The following PDE4D variants were observed in gnomAD, a reference collection of about 807,000 sequenced individuals.
PDE4D encodes the protein phosphodiesterase 4D, also known as 3',5'-cyclic-AMP phosphodiesterase 4D.
Under a neutral mutation model 87.4 loss-of-function variants are expected in PDE4D, and 24 were observed. The ratio of observed to expected loss-of-function variants is 0.27; its 90% CI spans 0.20 to 0.39. The LOEUF is 0.39. Among genes scored for constraint, PDE4D ranks in the 10% least tolerant of loss-of-function variants. The probability of loss-of-function intolerance (pLI) is 1.00; values close to 1 mark genes in which losing one functional copy is unlikely to be tolerated. For missense variants in PDE4D, 714 were observed against 1,041.0 expected, an observed-to-expected ratio of 0.69 and a Z score of 4.32; for synonymous variants, 384 against 383.2, an observed-to-expected ratio of 1.00 and a Z score of -0.02.
At chr5:60,281,455 C>T (rs572619733) in intron 1 of PDE4D, among the ~76,000 whole-genome samples, 223 of 152,290 alleles carry the variant, frequency 1.5e-3, no homozygotes, top group African/African-American at 5.2e-3. Flanking sequence ...TCTATATCCA[C>T]ACTACTTTAA....
intron 1 of PDE4D, among the ~76,000 whole-genome samples, chr5:59,435,677 T>C (rs890959802): frequency 6.6e-6 from 1 of 152,164 alleles, no homozygotes; most frequent in Non-Finnish European, 1.5e-5. Context: ...TCTTTGACCT[T>C]GTAATCCAGG....
At chr5:59,900,925 A>T (rs548953166) in intron 3 of PDE4D, among the ~76,000 whole-genome samples, 100 of 152,284 alleles carry the variant, frequency 6.6e-4, no homozygotes, top group Non-Finnish European at 1.2e-3. Flanking sequence ...GATGATGAAA[A>T]GTAATGTGGT....
At chr5:59,412,987 A>G (rs1208516656) in intron 1 of PDE4D, among the ~76,000 whole-genome samples, 1 of 106,300 alleles carries the variant, frequency 9.4e-6, no homozygotes, top group Admixed American at 9.1e-5. Flanking sequence ...AAACTTGTCT[A>G]TCTTTTGTTA....
At chr5:60,106,982 A>G (rs1777024335) in intron 2 of PDE4D, among the ~76,000 whole-genome samples, 1 of 152,034 alleles carries the variant, frequency 6.6e-6, no homozygotes, top group Admixed American at 6.5e-5. Context: ...TTCAAAAGCT[A>G]GCAGAAGGCA....
intron 1 of PDE4D, among the ~76,000 whole-genome samples, chr5:60,482,768 A>C (rs1340088143): frequency 6.6e-6 from 1 of 152,230 alleles, no homozygotes; most frequent in Admixed American, 6.5e-5. Flanking sequence ...AGCTCTGGAA[A>C]TGTATTTCCT....
At chr5:59,448,515 A>G (rs1798669776) in intron 1 of PDE4D, among the ~76,000 whole-genome samples, 1 of 152,356 alleles carries the variant, frequency 6.6e-6, no homozygotes, top group South Asian at 2.1e-4. Flanking sequence ...CAACAGAAAT[A>G]ATTGCAGCCA....
chr5:60,269,709 T>C (rs1750613927), intron 1 of PDE4D, among the ~76,000 whole-genome samples: 1 of 151,900 alleles, frequency 6.6e-6, no homozygotes, highest in African/African-American at 2.4e-5. Flanking sequence ...TCAAATGTTC[T>C]TACCACAAAA....
intron 1 of PDE4D, among the ~76,000 whole-genome samples, chr5:60,483,478 A>G (rs1748890877): frequency 6.6e-6 from 1 of 152,218 alleles, no homozygotes; most frequent in Non-Finnish European, 1.5e-5. Context: ...AAGTTCTGCC[A>G]ACATGAAATA....
At chr5:60,258,198 A>G (rs745947820) in intron 1 of PDE4D, among the ~76,000 whole-genome samples, 2 of 152,012 alleles carry the variant, frequency 1.3e-5, no homozygotes, top group African/African-American at 2.4e-5. Flanking sequence ...TGTTTCATAC[A>G]CTATCCTTGG....
intron 1 of PDE4D, among the ~76,000 whole-genome samples, chr5:59,870,616 T>C (rs531284774): frequency 6.6e-6 from 1 of 152,304 alleles, no homozygotes; most frequent in South Asian, 2.1e-4. Context: ...CTTACCTTAT[T>C]GATATAGTTT....
At chr5:60,258,192 T>C (rs1749297778) in intron 1 of PDE4D, among the ~76,000 whole-genome samples, 1 of 151,982 alleles carries the variant, frequency 6.6e-6, no homozygotes, top group Non-Finnish European at 1.5e-5. Context: ...TTACCCTGTT[T>C]CATACACTAT....
At chr5:59,592,925 C>T (rs1393543884) in intron 1 of PDE4D, among the ~76,000 whole-genome samples, 4 of 151,626 alleles carry the variant, frequency 2.6e-5, no homozygotes, top group East Asian at 1.9e-4. Context: ...TTTCCTTATC[C>T]GTAGCATGGA....
At chr5:60,080,803 G>C (rs192168228) in intron 2 of PDE4D, among the ~76,000 whole-genome samples, 1 of 152,106 alleles carries the variant, frequency 6.6e-6, no homozygotes, top group Non-Finnish European at 1.5e-5. Flanking sequence ...GAGGATTTTC[G>C]CATGGATGTT....
chr5:59,951,101 ATT>A (rs1203033236), intron 3 of PDE4D, among the ~76,000 whole-genome samples: 1 of 152,186 alleles, frequency 6.6e-6, no homozygotes, highest in African/African-American at 2.4e-5. Context: ...ATGTTGTAAC[ATT>A]TATATTAATA....
At chr5:60,022,180 T>A (rs1351927555) in intron 2 of PDE4D, among the ~76,000 whole-genome samples, 1 of 39,142 alleles carries the variant, frequency 2.6e-5, no homozygotes, top group Non-Finnish European at 5.1e-5. Context: ...TTAAAGGTCA[T>A]TTTTTGTAGC....
At chr5:59,010,257 G>A (rs1752506544) in intron 6 of PDE4D, among the ~76,000 whole-genome samples, 1 of 152,116 alleles carries the variant, frequency 6.6e-6, no homozygotes, top group African/African-American at 2.4e-5. Context: ...AGCCCGGGAG[G>A]CAGAAGTTGC....
At chr5:60,496,432 T>C (rs1326045287) in intron 1 of PDE4D, among the ~76,000 whole-genome samples, 1 of 152,162 alleles carries the variant, frequency 6.6e-6, no homozygotes, top group East Asian at 1.9e-4. Context: ...TTCTGACACA[T>C]TGCAGCCTTA....
chr5:60,268,914 A>G (rs1030369709), intron 1 of PDE4D, among the ~76,000 whole-genome samples: 6 of 152,250 alleles, frequency 3.9e-5, no homozygotes, highest in Admixed American at 2.0e-4. Context: ...AAAACAATGC[A>G]ATTTATTGTA....
intron 1 of PDE4D, among the ~76,000 whole-genome samples, chr5:60,514,919 G>A (rs1750728935): frequency 6.6e-6 from 1 of 152,140 alleles, no homozygotes; most frequent in African/African-American, 2.4e-5. Context: ...CTTAGACAAT[G>A]TGATTGTGTT....
Sources: gnomAD v4.1 joint callset for allele counts (sites outside exome capture counted in the v4.1 genomes callset) on GRCh38, gnomAD v4.1.1 for gene constraint, MANE v1.5 for transcripts, NCBI Gene and HGNC (gene_info 2026-07-23, HGNC 2026-07-21) for gene names.